NR3C2: variants seen among roughly 807,000 people sequenced by gnomAD.
NR3C2 encodes the protein nuclear receptor subfamily 3 group C member 2, also known as mineralocorticoid receptor.
Under a neutral mutation model 86.4 loss-of-function variants are expected in NR3C2, and 15 were observed. The observed-to-expected ratio is 0.17, with a 90% CI of 0.12 to 0.27. NR3C2 has a LOEUF of 0.27. Among genes scored for constraint, NR3C2 ranks in the 10% least tolerant of loss-of-function variants. NR3C2 has a pLI of 1.00. For synonymous variants in NR3C2, 458 were observed against 450.5 expected (o/e 1.02, Z -0.21); for missense variants, 960 against 1,195.6 (o/e 0.80, Z 2.91).
intron 3 of NR3C2, among the ~76,000 whole-genome samples, chr4:148,258,743 G>A (rs1361130846): frequency 6.6e-6 from 1 of 152,248 alleles, no homozygotes; most frequent in East Asian, 1.9e-4. Flanking sequence ...GAGCGGGATT[G>A]AGTTCTAACG....
rs34090627 is a variant in NR3C2 at position 148,261,363 on chromosome 4, G to C, written c.1758-1246C>G. On this transcript the variant is annotated intron_variant, in intron 2 of 8. Transcript: ENST00000358102. ...AGCCCTATGGTGCGCTATGGTAAGC[G>C]CTATGGTGCGCTATGGTCAGTGTAT... Among the ~76,000 whole-genome samples, 448 of 107,960 alleles carry C rather than the reference G, an allele frequency of 4.1e-3. 2 individuals carry two copies. Among genetic ancestry groups the C allele is most frequent in the African/African-American group, 7.7e-3 (256 of 33,046 alleles). 70.8% of individuals were successfully genotyped at this position (107,960 alleles called of 152,430 possible). A position where few individuals can be genotyped will look rare whatever the true frequency, so the allele number is the denominator to read the frequency against.
At chr4:148,157,872 G>A (rs372959806) in intron 4 of NR3C2, among the ~76,000 whole-genome samples, 10 of 152,164 alleles carry the variant, frequency 6.6e-5, no homozygotes, top group Admixed American at 2.0e-4. Context: ...TGTTTATCAC[G>A]TTCATCACAG....
rs1285799151 is a variant in NR3C2 at position 148,081,205 on chromosome 4, T to C, written c.*139A>G. On this transcript the variant is annotated 3_prime_UTR_variant, in exon 9 of 9. Coordinates refer to ENST00000358102, the MANE Select transcript of NR3C2 (RefSeq NM_000901.5). ...AACAGCTTTCCCGGCTCCAAACCTC[T>C]GACATGACTTTAAACTTGAGAAACT... 3 of 1,254,422 alleles carry C rather than the reference T, an allele frequency of 2.4e-6. No homozygotes were observed. The highest frequency in any genetic ancestry group is 3.0e-5 in the African/African-American group (2 of 67,410). 77.7% of individuals were successfully genotyped at this position (1,254,422 alleles called of 1,614,324 possible). A position where few individuals can be genotyped will look rare whatever the true frequency, so the allele number is the denominator to read the frequency against.
At chr4:148,355,163 C>CT (rs1745490171) in intron 2 of NR3C2, among the ~76,000 whole-genome samples, 1 of 152,146 alleles carries the variant, frequency 6.6e-6, no homozygotes, top group South Asian at 2.1e-4. Flanking sequence ...TCTTCAACCT[C>CT]TCCCACATCA....
chr4:148,203,288 C>T (rs772682186), intron 3 of NR3C2, among the ~76,000 whole-genome samples: 14 of 151,880 alleles, frequency 9.2e-5, no homozygotes, highest in Non-Finnish European at 1.6e-4. Flanking sequence ...CTAGAATAAC[C>T]AGACCTTATG....
At chr4:148,203,595 G>T (rs1736843937) in intron 3 of NR3C2, among the ~76,000 whole-genome samples, 1 of 151,996 alleles carries the variant, frequency 6.6e-6, no homozygotes, top group Non-Finnish European at 1.5e-5. Flanking sequence ...GATTAGAGCA[G>T]CCCCAGCAAA....
chr4:148,235,196 A>G (rs1181640223), intron 3 of NR3C2, among the ~76,000 whole-genome samples: 1 of 151,662 alleles, frequency 6.6e-6, no homozygotes, highest in African/African-American at 2.4e-5. Flanking sequence ...TCTTCATGAG[A>G]TGATACTAAG....
intron 3 of NR3C2, among the ~76,000 whole-genome samples, chr4:148,217,439 T>C (rs1429782180): frequency 1.3e-5 from 2 of 152,200 alleles, no homozygotes; most frequent in African/African-American, 4.8e-5. Flanking sequence ...ACAGGGCCAG[T>C]CATACCTTCC....
rs113617581 is a variant in NR3C2, at chr4:148,204,129, T to G, written c.1898-9267A>C. On this transcript the variant is annotated intron_variant, in intron 3 of 8. Coordinates refer to ENST00000358102, the MANE Select transcript of NR3C2 (RefSeq NM_000901.5). ...TGTACTTTTAATTATCATAAGAATT[T>G]TTATGTATATTTTAGTAAAAGATAA... Among the ~76,000 whole-genome samples, 14 of 152,328 alleles carry G rather than the reference T, an allele frequency of 9.2e-5. 1 individual carries two copies. Among genetic ancestry groups the G allele is most frequent in the African/African-American group, 3.4e-4 (14 of 41,568 alleles).
At chr4:148,389,061 G>C (rs1009632443) in intron 2 of NR3C2, among the ~76,000 whole-genome samples, 1 of 152,156 alleles carries the variant, frequency 6.6e-6, no homozygotes, top group African/African-American at 2.4e-5. Flanking sequence ...TTAACTCAAT[G>C]TTCAACATAG....
At chr4:148,180,806 T>C (rs1735610226) in intron 4 of NR3C2, among the ~76,000 whole-genome samples, 2 of 152,216 alleles carry the variant, frequency 1.3e-5, no homozygotes, top group South Asian at 2.1e-4. Flanking sequence ...CCCGTTAATA[T>C]TGCATTATGT....
At chr4:148,119,732 G>A (rs11099677) in intron 7 of NR3C2, among the ~76,000 whole-genome samples, 74,172 of 150,304 alleles carry the variant, frequency 0.49, 18,777 homozygotes, top group East Asian at 0.71. Flanking sequence ...GTTGCAGTGA[G>A]CCAAGATCAT....
At chr4:148,158,096 G>C (rs1734487501) in intron 4 of NR3C2, among the ~76,000 whole-genome samples, 1 of 152,182 alleles carries the variant, frequency 6.6e-6, no homozygotes, top group Non-Finnish European at 1.5e-5. Context: ...TGTTTATCAA[G>C]GAAAAGCAGA....
At chr4:148,204,563 T>C (rs1464674249) in intron 3 of NR3C2, among the ~76,000 whole-genome samples, 1 of 152,206 alleles carries the variant, frequency 6.6e-6, no homozygotes, top group Non-Finnish European at 1.5e-5. Flanking sequence ...TGTGGCTAGC[T>C]TAGCTGGGAT....
intron 2 of NR3C2, among the ~76,000 whole-genome samples, chr4:148,386,454 C>T (rs2126470580): frequency 6.6e-6 from 1 of 152,328 alleles, no homozygotes; most frequent in African/African-American, 2.4e-5. Flanking sequence ...TAACCAACTT[C>T]ACGTGTGGGG....
intron 2 of NR3C2, among the ~76,000 whole-genome samples, chr4:148,287,960 T>C (rs1462224625): frequency 6.6e-6 from 1 of 152,166 alleles, no homozygotes; most frequent in East Asian, 1.9e-4. Context: ...TCAAAATGAT[T>C]CATGAAAACA....
chr4:148,201,002 G>A (rs1338263714), intron 3 of NR3C2: 2 of 152,156 alleles, frequency 1.3e-5, no homozygotes, highest in Admixed American at 1.3e-4. Flanking sequence ...CTGAAATGAA[G>A]CTAAGGGGTA....
At chr4:148,281,828 T>C (rs1001921873) in intron 2 of NR3C2, among the ~76,000 whole-genome samples, 3 of 152,190 alleles carry the variant, frequency 2.0e-5, no homozygotes, top group Non-Finnish European at 4.4e-5. Flanking sequence ...GAGGAACTAA[T>C]AAGAAGTACA....
At position 148,404,346 on chromosome 4, in the gene NR3C2, T is replaced by C. The variant is rs76069541; in HGVS notation, c.1757+30758A>G. 9.2e-4 allele frequency among the ~76,000 whole-genome samples: 140 copies of C among 152,234 alleles called. 1 individual carries two copies. In the East Asian group the frequency reaches 0.014, roughly 15 times the overall value. The stretch of plus-strand genomic sequence containing the variant: ...ATCTGAATAAACTTGAATTATGACA[T>C]GTGGAACAAAAGAAGAATAAAAATA... On this transcript the variant is annotated intron_variant, in intron 2 of 8. Transcript: ENST00000358102.
Sources: allele counts gnomAD v4.1 joint callset (sites outside exome capture counted in the v4.1 genomes callset), GRCh38; gene constraint gnomAD v4.1.1; transcripts MANE v1.5; gene names NCBI Gene and HGNC (gene_info 2026-07-23, HGNC 2026-07-21).